Variants in FARP1 observed in about 807,000 individuals in gnomAD.
FARP1 encodes FERM, ARHGEF and pleckstrin domain-containing protein 1.
A neutral mutation model predicts 128.8 loss-of-function variants in FARP1; 52 were observed. The observed-to-expected ratio is 0.40, with a 90% CI of 0.32 to 0.51. The LOEUF is 0.51. FARP1 is among the 20% of genes least tolerant of loss of function. FARP1 has a pLI of 0.45. For missense variants in FARP1, 1,333 were observed against 1,367.9 expected (o/e 0.97, Z 0.40); for synonymous variants, 580 against 551.8 (o/e 1.05, Z -0.72).
At chr13:98,445,335 A>G (rs1409477321) in intron 24 of FARP1, 1 of 152,258 alleles carries the variant, frequency 6.6e-6, no homozygotes. Flanking sequence ...CACTTTGGCA[A>G]AGGGACGAAA....
chr13:98,190,994 G>A (rs926354838), intron 1 of FARP1, among the ~76,000 whole-genome samples: 1 of 152,028 alleles, frequency 6.6e-6, no homozygotes, highest in African/African-American at 2.4e-5. Context: ...CATCTCCCCC[G>A]GTCCTGCCTC....
At chr13:98,363,210 C>T (rs1241146902) in intron 3 of FARP1, among the ~76,000 whole-genome samples, 2 of 152,206 alleles carry the variant, frequency 1.3e-5, no homozygotes, top group African/African-American at 2.4e-5. Flanking sequence ...ACCAGCCCTG[C>T]TCTGCAGCCA....
chr13:98,319,192 T>C (rs1886881527), intron 2 of FARP1, among the ~76,000 whole-genome samples: 1 of 152,070 alleles, frequency 6.6e-6, no homozygotes, highest in African/African-American at 2.4e-5. Context: ...CTCAAACTCC[T>C]AGGCTCAAGC....
intron 1 of FARP1, among the ~76,000 whole-genome samples, chr13:98,197,759 C>T (rs1395531257): frequency 6.6e-6 from 1 of 151,758 alleles, no homozygotes; most frequent in Non-Finnish European, 1.5e-5. Context: ...CTCAGCCTCC[C>T]GAGTAGCTGG....
intron 5 of FARP1, among the ~76,000 whole-genome samples, chr13:98,372,304 C>T (rs1378294079): frequency 6.6e-6 from 1 of 152,086 alleles, no homozygotes; most frequent in Non-Finnish European, 1.5e-5. Context: ...CCAGGCTGGT[C>T]TCGAACTCCT....
chr13:98,225,839 G>A (rs1881729818), intron 2 of FARP1, among the ~76,000 whole-genome samples: 1 of 152,180 alleles, frequency 6.6e-6, no homozygotes, highest in Non-Finnish European at 1.5e-5. Flanking sequence ...TGGAGAGTTG[G>A]TTTTGTCTCT....
At chr13:98,373,559 C>G (rs1183992320) in intron 5 of FARP1, among the ~76,000 whole-genome samples, 1 of 151,404 alleles carries the variant, frequency 6.6e-6, no homozygotes, top group African/African-American at 2.4e-5. Flanking sequence ...CACACACACA[C>G]ACACACACAC....
At chr13:98,331,707 G>A (rs1463090282) in intron 2 of FARP1, 3 of 151,964 alleles carry the variant, frequency 2.0e-5, no homozygotes, top group South Asian at 2.1e-4. Flanking sequence ...CTCCTTTATC[G>A]GACGTCATCA....
intron 1 of FARP1, among the ~76,000 whole-genome samples, chr13:98,168,874 G>A (rs1001210996): frequency 6.6e-6 from 1 of 152,082 alleles, no homozygotes; most frequent in Non-Finnish European, 1.5e-5. Context: ...TGGGCAGGGG[G>A]GATCAGCTCT....
At chr13:98,392,700 G>A (rs1445973948) in intron 11 of FARP1, among the ~76,000 whole-genome samples, 1 of 152,012 alleles carries the variant, frequency 6.6e-6, no homozygotes, top group Non-Finnish European at 1.5e-5. Flanking sequence ...GATTATTTCA[G>A]TATTTTGTTT....
intron 13 of FARP1, chr13:98,396,367 A>G (rs995506880): frequency 1.3e-5 from 5 of 399,028 alleles, no homozygotes; most frequent in East Asian, 7.1e-5. Context: ...TCAGCCCCTC[A>G]TATTTGGTAA....
chr13:98,431,496 C>T (rs1293405997), intron 18 of FARP1: 1 of 448,788 alleles, frequency 2.2e-6, no homozygotes, highest in Non-Finnish European at 3.9e-6. Flanking sequence ...GAGTCTCACT[C>T]TGTCGCCCAG....
In FARP1 at chr13:98,410,106, A is replaced by G. The variant is rs372267821; in HGVS notation, c.1602+581A>G. Among the ~76,000 whole-genome samples the G allele has an allele frequency of 3.3e-4, 51 of 152,384 alleles. 2 individuals are homozygous for G. The highest frequency in any genetic ancestry group is 1.2e-3 in the African/African-American group (51 of 41,596). ...GAAGTCTGTTGTGTGTACACCCAGC[A>G]GTGGAGTCAGGTGGACTCCTATGAG... On this transcript the variant is annotated intron_variant, in intron 14 of 26. Coordinates refer to ENST00000319562, the MANE Select transcript of FARP1 (RefSeq NM_005766.4).
intron 2 of FARP1, among the ~76,000 whole-genome samples, chr13:98,278,050 C>A (rs1195161743): frequency 6.6e-6 from 1 of 152,048 alleles, no homozygotes; most frequent in Non-Finnish European, 1.5e-5. Flanking sequence ...TGTTATTTAA[C>A]AAGCTATTGT....
chr13:98,365,598 G>C (rs1367824767), intron 4 of FARP1, among the ~76,000 whole-genome samples, 161 bp downstream of exon 4: 1 of 152,210 alleles, frequency 6.6e-6, no homozygotes, highest in Admixed American at 6.5e-5. Flanking sequence ...ATTAAAATGT[G>C]TGTCTTCTGC....
intron 2 of FARP1, 68 bp downstream of exon 2, chr13:98,213,481 G>A: frequency 1.3e-6 from 2 of 1,510,732 alleles, no homozygotes; most frequent in Middle Eastern, 2.4e-4. Context: ...AGGAGGTTCG[G>A]CTCATTCCCA....
intron 11 of FARP1, among the ~76,000 whole-genome samples, chr13:98,392,044 CTTT>C: frequency 6.6e-6 from 1 of 152,150 alleles, no homozygotes; most frequent in Admixed American, 6.5e-5. Context: ...GTTTTTTCTT[CTTT>C]TATTTGCAGC....
At chr13:98,422,253 C>T (rs773098446) in intron 16 of FARP1, among the ~76,000 whole-genome samples, 8 of 152,202 alleles carry the variant, frequency 5.3e-5, no homozygotes, top group African/African-American at 1.7e-4. Flanking sequence ...CCGACCAGCC[C>T]GGAGAGCCCG....
At position 98,453,264 on chromosome 13, in the gene FARP1, A is replaced by G; in HGVS notation, c.*4947A>G. 6.4e-7 allele frequency: 1 copy of G among 1,564,972 alleles called. No individual in the cohort carries two copies. Among genetic ancestry groups the G allele is most frequent in the African/African-American group, 1.4e-5 (1 of 73,054 alleles). The stretch of plus-strand genomic sequence containing the variant: ...CACATGTCATTTCTCATCCCTGTGC[A>G]AAAATTCATATAGTAACCAAAATCT... On this transcript the variant is annotated 3_prime_UTR_variant, in exon 27 of 27. Transcript: ENST00000319562.
Sources: allele counts gnomAD v4.1 joint callset (sites outside exome capture counted in the v4.1 genomes callset), GRCh38; gene constraint gnomAD v4.1.1; transcripts MANE v1.5; gene names NCBI Gene and HGNC (gene_info 2026-07-23, HGNC 2026-07-21).